RIC1: variants seen among roughly 807,000 people sequenced by gnomAD.
RIC1 encodes the protein guanine nucleotide exchange factor subunit RIC1.
RIC1 carries 88 observed loss-of-function variants against 169.0 expected under a neutral mutation model. The observed-to-expected ratio is 0.52, with a 90% CI of 0.44 to 0.62. RIC1 has a LOEUF of 0.62. Ranked by LOEUF, RIC1 falls within the 20% of genes least tolerant of loss-of-function variation. The probability of loss-of-function intolerance (pLI) is 0.00; values close to 1 mark genes in which losing one functional copy is unlikely to be tolerated. For missense variants in RIC1, 1,877 were observed against 1,725.5 expected, an observed-to-expected ratio of 1.09 and a Z score of -1.56; for synonymous variants, 790 against 601.5, an observed-to-expected ratio of 1.31 and a Z score of -4.59.
rs1371662934 is a variant in RIC1 at position 5,769,165 on chromosome 9, G to T, written c.3333G>T (p.Leu1111=). The T allele has an allele frequency of 6.2e-7, 1 of 1,614,060 alleles. No homozygotes were observed. The highest frequency in any genetic ancestry group is 1.1e-5 in the South Asian group (1 of 91,068). The change falls in exon 22 of 26, where the codon CTG becomes CTT. Residue 1111 remains leucine, a synonymous_variant. Coordinates refer to ENST00000414202, the MANE Select transcript of RIC1 (RefSeq NM_020829.4). ...GGGTAGACAACTTTGTAATAGCCCT[G>T]AAGAGACTCCACAAAGATTTCCTGT... ...AARVDNFVIA[L]KRLHKDFLWP... is the part of the protein sequence containing the mutation.
chr9:5,724,917 G>T (rs1419478120), intron 6 of RIC1, among the ~76,000 whole-genome samples: 1 of 152,160 alleles, frequency 6.6e-6, no homozygotes, highest in Admixed American at 6.6e-5. Context: ...CAACTTGATA[G>T]TGGTGGATAA....
In RIC1 at chr9:5,755,448, AT is replaced by A. The variant is rs373637701; in HGVS notation, c.1692+519del. 1.1e-3 allele frequency among the ~76,000 whole-genome samples: 167 copies of A among 152,376 alleles called. 2 individuals are homozygous for A. Among genetic ancestry groups the A allele is most frequent in the African/African-American group, 3.8e-3 (159 of 41,596 alleles). ...AAAACAATTATGACAGTATATTGTA[AT>A]AAAAGTTGTATGAATGTGGTCTCTC... On this transcript the variant is annotated intron_variant, in intron 15 of 25. Coordinates refer to ENST00000414202, the MANE Select transcript of RIC1 (RefSeq NM_020829.4).
At position 5,629,128 on chromosome 9, in the gene RIC1, G is replaced by C. The variant is rs955072649; in HGVS notation, c.-182G>C. 3.6e-4 allele frequency: 157 copies of C among 434,196 alleles called. No homozygotes were observed. Among genetic ancestry groups the C allele is most frequent in the African/African-American group, 2.4e-3 (115 of 48,262 alleles). The allele number at this position is 434,196 out of a possible 1,614,324, so 26.9% of individuals were successfully genotyped here. On this transcript the variant is annotated 5_prime_UTR_variant, in exon 1 of 26. Coordinates refer to ENST00000414202, the MANE Select transcript of RIC1 (RefSeq NM_020829.4). ...CCCCACACTCGGCCCCGTCAGCTTG[G>C]GGGTGCCTTCGTCGCGCAGCCTTGC...
At chr9:5,768,814 G>A (rs145505959) in intron 21 of RIC1, among the ~76,000 whole-genome samples, 156 bp from the exon 22 acceptor site, 101 of 152,262 alleles carry the variant, frequency 6.6e-4, no homozygotes, top group African/African-American at 2.3e-3. Context: ...GGTGTAACAC[G>A]GAGGAGAAGC....
At chr9:5,716,474 G>A (rs1391076915) in intron 4 of RIC1, among the ~76,000 whole-genome samples, 1 of 152,074 alleles carries the variant, frequency 6.6e-6, no homozygotes, top group African/African-American at 2.4e-5. Context: ...TTAGCTGGGT[G>A]TGGTGGCACA....
intron 2 of RIC1, among the ~76,000 whole-genome samples, chr9:5,675,941 T>C: frequency 6.6e-6 from 1 of 152,216 alleles, no homozygotes; most frequent in East Asian, 1.9e-4. Context: ...GAGAAAATTA[T>C]GACAGTAAAA....
At chr9:5,737,528 A>G (rs1371370788) in intron 7 of RIC1, among the ~76,000 whole-genome samples, 1 of 151,722 alleles carries the variant, frequency 6.6e-6, no homozygotes, top group Non-Finnish European at 1.5e-5. Context: ...TATATTTACT[A>G]TTAATACTGT....
At position 5,763,577 on chromosome 9, in the gene RIC1, C is replaced by G. The variant is rs747168635; in HGVS notation, c.2550C>G (p.Ser850=). The change falls in exon 19 of 26, where the codon TCC becomes TCG. Residue 850 remains serine, a synonymous_variant. Transcript: ENST00000414202. The surrounding 1 kb of genome is among the most constrained non-coding windows in gnomAD (Gnocchi z 5.2). ...LGEQALLLAQ[S]CATLPYFPHV... is the part of the protein sequence containing the mutation. ...AGCAAGCCTTGCTCTTGGCCCAGTC[C>G]TGTGCCACATTACCTTACTTCCCTC... 6.2e-7 allele frequency: 1 copy of G among 1,614,162 alleles called. No individual in the cohort carries two copies. The highest frequency in any genetic ancestry group is 1.1e-5 in the South Asian group (1 of 91,078).
At chr9:5,650,330 G>A (rs1428212088) in intron 1 of RIC1, among the ~76,000 whole-genome samples, 1 of 152,024 alleles carries the variant, frequency 6.6e-6, no homozygotes, top group East Asian at 1.9e-4. Context: ...TGTGTGAGTG[G>A]CAGACAGGGT....
intron 8 of RIC1, among the ~76,000 whole-genome samples, chr9:5,740,661 C>G (rs1268688613): frequency 2.0e-5 from 3 of 151,030 alleles, no homozygotes; most frequent in Non-Finnish European, 4.4e-5. Context: ...AGGCCCGTCT[C>G]TATTTTCACA....
At chr9:5,680,258 G>T (rs927101295) in intron 2 of RIC1, among the ~76,000 whole-genome samples, 1 of 152,160 alleles carries the variant, frequency 6.6e-6, no homozygotes, top group African/African-American at 2.4e-5. Flanking sequence ...TTTTATTGAG[G>T]ATTTTTGCTT....
At chr9:5,712,870 G>C (rs1823015501) in intron 3 of RIC1, 1 of 152,104 alleles carries the variant, frequency 6.6e-6, no homozygotes, top group East Asian at 1.9e-4. Flanking sequence ...TAGTCATTTA[G>C]ACTTAGAAGG....
At chr9:5,741,951 A>T (rs1293110316) in intron 8 of RIC1, among the ~76,000 whole-genome samples, 1 of 152,176 alleles carries the variant, frequency 6.6e-6, no homozygotes, top group African/African-American at 2.4e-5. Context: ...TCCGCTGGTC[A>T]CTTGGGAGCA....
At chr9:5,655,396 G>A (rs1453707195) in intron 1 of RIC1, among the ~76,000 whole-genome samples, 1 of 152,070 alleles carries the variant, frequency 6.6e-6, no homozygotes, top group Non-Finnish European at 1.5e-5. Context: ...CACCTCTCAG[G>A]TTCAAGTGAT....
At chr9:5,771,493 T>C (rs1438320743) in intron 23 of RIC1, among the ~76,000 whole-genome samples, 1 of 152,192 alleles carries the variant, frequency 6.6e-6, no homozygotes, top group Non-Finnish European at 1.5e-5. Flanking sequence ...AATGTGGGTA[T>C]ATAATATTTC....
chr9:5,715,458 A>C (rs1170530415), intron 4 of RIC1, among the ~76,000 whole-genome samples: 1 of 152,232 alleles, frequency 6.6e-6, no homozygotes, highest in Non-Finnish European at 1.5e-5. Flanking sequence ...TCAAAACTCC[A>C]GTGAAATAAC....
intron 22 of RIC1, chr9:5,769,504 T>C: frequency 1.5e-6 from 2 of 1,370,864 alleles, no homozygotes; most frequent in South Asian, 1.5e-5. Context: ...ACTTGGATTA[T>C]AAAGAAGTTG....
At chr9:5,683,951 G>A (rs768609347) in intron 2 of RIC1, among the ~76,000 whole-genome samples, 5 of 152,136 alleles carry the variant, frequency 3.3e-5, no homozygotes, top group Non-Finnish European at 4.4e-5. Context: ...AGCCAGGTGC[G>A]GGATATAATC....
intron 3 of RIC1, among the ~76,000 whole-genome samples, chr9:5,700,094 C>T (rs77121099): frequency 0.011 from 1,727 of 152,042 alleles, 46 homozygotes; most frequent in African/African-American, 0.04. Flanking sequence ...CCAACCCCAC[C>T]AAGTTTCCTT....
Sources: allele counts gnomAD v4.1 joint callset (sites outside exome capture counted in the v4.1 genomes callset), GRCh38; gene constraint gnomAD v4.1.1; non-coding constraint Gnocchi (gnomAD v3.1); transcripts MANE v1.5; gene names NCBI Gene and HGNC (gene_info 2026-07-23, HGNC 2026-07-21).